Variants in RBMS3 observed in about 807,000 individuals in gnomAD.
RBMS3 encodes the protein RNA binding motif single stranded interacting protein 3, also known as RNA-binding motif, single-stranded-interacting protein 3.
RBMS3 carries 27 observed loss-of-function variants against 66.8 expected under a neutral mutation model. The ratio of observed to expected loss-of-function variants is 0.40; its 90% CI spans 0.30 to 0.56. The LOEUF (loss-of-function observed/expected upper bound fraction) is 0.56. RBMS3 is among the 20% of genes least tolerant of loss of function. The pLI is 0.40. For missense variants in RBMS3, 513 were observed against 549.5 expected (o/e 0.93, Z 0.66); for synonymous variants, 188 against 183.0 (o/e 1.03, Z -0.22).
chr3:29,595,637 GC>G lies in RBMS3; in HGVS notation c.399+8434del, dbSNP rs553203101. ...AACACCATTGTTGTCCATGGGGTGT[GC>G]CTAACTAAAAGTACTGCTTTGTCCC... On this transcript the variant is annotated intron_variant, in intron 4 of 14. Transcript: ENST00000383767. Among the ~76,000 whole-genome samples, 269 of 152,242 alleles carry G rather than the reference GC, an allele frequency of 1.8e-3. 3 individuals are homozygous for G. Among genetic ancestry groups the G allele is most frequent in the African/African-American group, 6.2e-3 (256 of 41,540 alleles).
rs980059640 is a variant in RBMS3 at position 29,891,417 on chromosome 3, A to C, written c.792-5962A>C. Reference sequence around the variant, plus strand: ...AGCATCTGTGTCACAACAGAAAAGTAAAAATCGTAGTACTTTTTACTGTAG... The same window carrying C: ...AGCATCTGTGTCACAACAGAAAAGTCAAAATCGTAGTACTTTTTACTGTAG... On this transcript the variant is annotated intron_variant, in intron 8 of 14. Transcript: ENST00000383767. Among the ~76,000 whole-genome samples the C allele has an allele frequency of 7.9e-5, 12 of 151,786 alleles. No individual in the cohort carries two copies. In the East Asian group the frequency reaches 2.3e-3, roughly 30 times the overall value.
At chr3:29,965,228 T>G (rs925414272) in intron 12 of RBMS3, among the ~76,000 whole-genome samples, 15 of 152,184 alleles carry the variant, frequency 9.9e-5, no homozygotes, top group African/African-American at 3.6e-4. Context: ...TTTTTTCCTC[T>G]GGGTAGATAA....
intron 3 of RBMS3, among the ~76,000 whole-genome samples, chr3:29,489,837 C>CT (rs1365494210): frequency 6.7e-6 from 1 of 150,220 alleles, no homozygotes; most frequent in Non-Finnish European, 1.5e-5. Context: ...GAGGTCAGGA[C>CT]TTTGAGACCA....
At chr3:29,457,801 T>C (rs1156376791) in intron 2 of RBMS3, among the ~76,000 whole-genome samples, 1 of 151,564 alleles carries the variant, frequency 6.6e-6, no homozygotes, top group Non-Finnish European at 1.5e-5. Context: ...TCTCCAACCT[T>C]AGCTCTTACC....
chr3:29,731,036 T>C (rs2054109446), intron 4 of RBMS3: 7 of 985,248 alleles, frequency 7.1e-6, no homozygotes, highest in Non-Finnish European at 8.4e-6. Flanking sequence ...TCATAAAGGC[T>C]GGAGATCCTC....
rs1490736262 is a variant in RBMS3, at chr3:29,460,302, A to C, written c.248+25387A>C. On this transcript the variant is annotated intron_variant, in intron 2 of 14. Coordinates refer to ENST00000383767, the MANE Select transcript of RBMS3 (RefSeq NM_001003793.3). ...TGCAGTGGATGAGATTTAGAACTGA[A>C]TAAAATAAAATACAAAATGTTTGTG... Among the ~76,000 whole-genome samples, 6 of 152,238 alleles carry C rather than the reference A, an allele frequency of 3.9e-5. No individual in the cohort carries two copies. In the East Asian group the frequency reaches 1.2e-3, roughly 29 times the overall value.
chr3:29,289,579 A>G (rs2032652100), intron 1 of RBMS3, among the ~76,000 whole-genome samples: 1 of 151,896 alleles, frequency 6.6e-6, no homozygotes, highest in Non-Finnish European at 1.5e-5. Context: ...GGCTTAAAGA[A>G]AATATATCAA....
chr3:29,353,343 C>T (rs1051643706), intron 1 of RBMS3, among the ~76,000 whole-genome samples: 1 of 151,844 alleles, frequency 6.6e-6, no homozygotes, highest in Non-Finnish European at 1.5e-5. Context: ...TACAAATAAA[C>T]CAGATATTTT....
chr3:29,672,727 A>T (rs891379142), intron 4 of RBMS3, among the ~76,000 whole-genome samples: 4 of 152,194 alleles, frequency 2.6e-5, no homozygotes, highest in Admixed American at 1.3e-4. Flanking sequence ...ATTCAACAAG[A>T]AGAGCTATGT....
chr3:29,356,533 T>A (rs537870597), intron 1 of RBMS3, among the ~76,000 whole-genome samples: 34 of 152,230 alleles, frequency 2.2e-4, no homozygotes, highest in African/African-American at 8.2e-4. Context: ...TATTAGTGAC[T>A]TTCATTCTAT....
intron 3 of RBMS3, among the ~76,000 whole-genome samples, chr3:29,524,624 A>G (rs1384488191): frequency 7.2e-6 from 1 of 139,334 alleles, no homozygotes; most frequent in Non-Finnish European, 1.6e-5. Context: ...TATTTTTTTT[A>G]GTAGAGGCAG....
chr3:29,751,786 C>A (rs544499166), intron 5 of RBMS3, among the ~76,000 whole-genome samples: 19 of 152,296 alleles, frequency 1.2e-4, no homozygotes, highest in African/African-American at 4.6e-4. Context: ...CTCGGTTAGG[C>A]AGCCCGCAGC....
At chr3:29,608,299 T>C (rs1175610550) in intron 4 of RBMS3, among the ~76,000 whole-genome samples, 1 of 151,958 alleles carries the variant, frequency 6.6e-6, no homozygotes. Context: ...CGGAATATTC[T>C]GAGTTAAAAT....
chr3:29,982,050 C>G (rs1698031888), intron 12 of RBMS3, among the ~76,000 whole-genome samples: 1 of 152,068 alleles, frequency 6.6e-6, no homozygotes, highest in Non-Finnish European at 1.5e-5. Flanking sequence ...AATCCATCTG[C>G]TCCTGGGCTT....
rs180933743 is a variant in RBMS3 at position 29,661,408 on chromosome 3, C to T, written c.399+74203C>T. Among the ~76,000 whole-genome samples the T allele has an allele frequency of 9.9e-5, 15 of 152,222 alleles. No individual in the cohort carries two copies. The East Asian group carries it at 1.2e-3, about 12-fold the overall frequency. On this transcript the variant is annotated intron_variant, in intron 4 of 14. Transcript: ENST00000383767. Reference sequence around the variant, plus strand: ...CTAAAGAAAAGACTAGAGATTTAAACGGTAGACAATAACTAGCCTTTAAGT... The same window carrying T: ...CTAAAGAAAAGACTAGAGATTTAAATGGTAGACAATAACTAGCCTTTAAGT...
intron 2 of RBMS3, among the ~76,000 whole-genome samples, chr3:29,481,655 G>C (rs2043133918): frequency 1.3e-5 from 2 of 152,132 alleles, no homozygotes. Flanking sequence ...ACTAGGTATT[G>C]GCAGAAGGAG....
intron 4 of RBMS3, among the ~76,000 whole-genome samples, chr3:29,639,074 G>A (rs564043462): frequency 4.2e-4 from 63 of 151,726 alleles, no homozygotes; most frequent in Non-Finnish European, 8.1e-4. Flanking sequence ...TACTTACAAA[G>A]GCACAAAAAT....
chr3:29,344,444 C>T (rs2036457456), intron 1 of RBMS3, among the ~76,000 whole-genome samples: 1 of 152,124 alleles, frequency 6.6e-6, no homozygotes, highest in African/African-American at 2.4e-5. Flanking sequence ...TGAAATTGTC[C>T]TTGGTTCTGC....
chr3:29,361,862 C>T (rs1575615929), intron 1 of RBMS3, among the ~76,000 whole-genome samples: 1 of 152,208 alleles, frequency 6.6e-6, no homozygotes, highest in African/African-American at 2.4e-5. Context: ...CTTGTGCATT[C>T]ATCACTTAGT....
Sources: allele counts gnomAD v4.1 joint callset (sites outside exome capture counted in the v4.1 genomes callset), GRCh38; gene constraint gnomAD v4.1.1; transcripts MANE v1.5; gene names NCBI Gene and HGNC (gene_info 2026-07-23, HGNC 2026-07-21).